PREP: variants seen among roughly 807,000 people sequenced by gnomAD.
PREP encodes the protein prolyl endopeptidase, also known as dJ355L5.1 (prolyl endopeptidase).
Under a neutral mutation model 87.6 loss-of-function variants are expected in PREP, and 29 were observed. The ratio of observed to expected loss-of-function variants is 0.33; its 90% CI spans 0.25 to 0.45. The LOEUF (loss-of-function observed/expected upper bound fraction) is 0.45, where lower values mean the gene tolerates loss of function less well. PREP is among the 20% of genes least tolerant of loss of function. The pLI is 1.00. For synonymous variants in PREP, 337 were observed against 328.6 expected (o/e 1.03, Z -0.28); for missense variants, 695 against 886.5 (o/e 0.78, Z 2.74).
chr6:105,294,583 T>C (rs541195048), intron 10 of PREP, among the ~76,000 whole-genome samples: 1 of 152,210 alleles, frequency 6.6e-6, no homozygotes, highest in East Asian at 1.9e-4. Context: ...GTGTCTATTA[T>C]GTGCCAGGGA....
In PREP at chr6:105,372,615, G is replaced by A. The variant is rs189950354; in HGVS notation, c.595+754C>T. ...TTAAAGAGAAGAACAATAAAGGTGT[G>A]TCCAGAAAGTAACAAGGAGAAAAGT... is the stretch of plus-strand genomic sequence containing the variant. On this transcript the variant is annotated intron_variant, in intron 5 of 14. Coordinates refer to ENST00000652536, the MANE Select transcript of PREP (RefSeq NM_002726.5). 2.0e-5 allele frequency among the ~76,000 whole-genome samples: 3 copies of A among 152,292 alleles called. No homozygotes were observed. In the East Asian group the frequency reaches 5.8e-4, roughly 29 times the overall value.
At chr6:105,399,109 GAA>G (rs201271320) in intron 1 of PREP, among the ~76,000 whole-genome samples, 1 of 143,636 alleles carries the variant, frequency 7.0e-6, no homozygotes, top group East Asian at 2.0e-4. Context: ...CTTCATCTCA[GAA>G]AAAAAAAAAG....
At chr6:105,382,778 T>C (rs1207669234) in intron 2 of PREP, among the ~76,000 whole-genome samples, 1 of 152,132 alleles carries the variant, frequency 6.6e-6, no homozygotes, top group African/African-American at 2.4e-5. Context: ...GACTTCCAGG[T>C]AGAGACTGGC....
At chr6:105,346,452 T>A (rs1036905091) in intron 7 of PREP, among the ~76,000 whole-genome samples, 1 of 152,224 alleles carries the variant, frequency 6.6e-6, no homozygotes, top group African/African-American at 2.4e-5. Context: ...TTTTCTTTAA[T>A]GACACAAAAG....
chr6:105,378,973 T>C (rs1260555425), intron 2 of PREP, among the ~76,000 whole-genome samples: 1 of 152,208 alleles, frequency 6.6e-6, no homozygotes, highest in Non-Finnish European at 1.5e-5. Flanking sequence ...ACCATGATTT[T>C]GTGGTGAGAC....
At chr6:105,396,604 G>C (rs1583109594) in intron 2 of PREP, among the ~76,000 whole-genome samples, 1 of 152,134 alleles carries the variant, frequency 6.6e-6, no homozygotes, top group African/African-American at 2.4e-5. Flanking sequence ...GGTATATACG[G>C]TGGAAAGGGA....
intron 5 of PREP, among the ~76,000 whole-genome samples, chr6:105,371,731 C>G (rs1416290729): frequency 6.6e-6 from 1 of 152,036 alleles, no homozygotes; most frequent in African/African-American, 2.4e-5. Context: ...TTCAGGGACA[C>G]TGGTAAGAAG....
chr6:105,333,173 AT>A, intron 8 of PREP, 140 bp downstream of exon 8: 1 of 745,936 alleles, frequency 1.3e-6, no homozygotes, highest in East Asian at 2.7e-5. Context: ...TGGATGAACT[AT>A]TTAGACACTT....
chr6:105,351,778 G>A (rs1044375844), intron 7 of PREP, among the ~76,000 whole-genome samples: 4 of 152,182 alleles, frequency 2.6e-5, no homozygotes, highest in Admixed American at 2.6e-4. Context: ...ACAATTCCTG[G>A]ATGGTGGTTT....
chr6:105,358,827 T>G (rs1772169422), intron 6 of PREP, among the ~76,000 whole-genome samples: 1 of 152,124 alleles, frequency 6.6e-6, no homozygotes, highest in African/African-American at 2.4e-5. Context: ...TGGTTAAGGG[T>G]ACTTGGTTAT....
intron 5 of PREP, among the ~76,000 whole-genome samples, chr6:105,372,118 CT>C (rs757704096): frequency 3.3e-5 from 5 of 151,804 alleles, no homozygotes; most frequent in Admixed American, 1.3e-4. Context: ...TAAAAAAGGT[CT>C]TGATGTAGCC....
chr6:105,356,973 C>G (rs73516007), intron 6 of PREP, among the ~76,000 whole-genome samples: 3 of 152,100 alleles, frequency 2.0e-5, no homozygotes, highest in Non-Finnish European at 4.4e-5. Context: ...AAATTTTGAA[C>G]CTTTTATTTA....
In PREP at chr6:105,376,112, G is replaced by C. The variant is rs1772679547; in HGVS notation, c.385+13C>G. 1.2e-6 allele frequency: 2 copies of C among 1,612,028 alleles called. No homozygotes were observed. The highest frequency in any genetic ancestry group is 1.7e-6 in the Non-Finnish European group (2 of 1,179,116). ...TCTTAGGAGTTCCACGGGCCTCTCT[G>C]TGTAGCACTTACCTCGGAGTGCCAC... On this transcript the variant is annotated intron_variant, in intron 4 of 14. Coordinates refer to ENST00000652536, the MANE Select transcript of PREP (RefSeq NM_002726.5).
chr6:105,355,232 C>G (rs1043571420), intron 6 of PREP, among the ~76,000 whole-genome samples: 1 of 151,830 alleles, frequency 6.6e-6, no homozygotes, highest in Non-Finnish European at 1.5e-5. Context: ...ATTACAGATG[C>G]CTTCCACCAT....
intron 1 of PREP, among the ~76,000 whole-genome samples, chr6:105,401,953 T>A (rs75540989): frequency 2.0e-5 from 3 of 152,334 alleles, no homozygotes; most frequent in African/African-American, 7.2e-5. Context: ...TAGCTATTAG[T>A]AAGAGAATCA....
intron 9 of PREP, among the ~76,000 whole-genome samples, chr6:105,324,565 A>G (rs919985542): frequency 5.3e-5 from 8 of 152,216 alleles, no homozygotes; most frequent in African/African-American, 1.9e-4. Context: ...TCATCCACAG[A>G]GTGGCTGGTG....
Position 105,323,344 on chromosome 6 carries a change from G to A in PREP, c.1317+321C>T, listed in dbSNP as rs577520115. The stretch of plus-strand genomic sequence containing the variant: ...TTATTTACAACACCAAAAGACCTGA[G>A]CTAGAACACAAACCATATTCAAGCA... On this transcript the variant is annotated intron_variant, in intron 10 of 14. Coordinates refer to ENST00000652536, the MANE Select transcript of PREP (RefSeq NM_002726.5). Among the ~76,000 whole-genome samples, 4 of 152,126 alleles carry A rather than the reference G, an allele frequency of 2.6e-5. No individual in the cohort carries two copies. The East Asian group carries it at 7.7e-4, about 29-fold the overall frequency.
intron 2 of PREP, among the ~76,000 whole-genome samples, chr6:105,395,166 A>T (rs534471226): frequency 2.6e-5 from 4 of 152,180 alleles, no homozygotes; most frequent in Non-Finnish European, 4.4e-5. Flanking sequence ...CAATTTAAAA[A>T]ATATATATAT....
chr6:105,300,477 T>C (rs11963142), intron 10 of PREP, among the ~76,000 whole-genome samples: 2,854 of 152,310 alleles, frequency 0.019, 93 homozygotes, highest in African/African-American at 0.066. Context: ...AAAAAAATGC[T>C]TGAGCAAATC....
Sources: gnomAD v4.1 joint callset for allele counts (sites outside exome capture counted in the v4.1 genomes callset) on GRCh38, gnomAD v4.1.1 for gene constraint, MANE v1.5 for transcripts, NCBI Gene and HGNC (gene_info 2026-07-23, HGNC 2026-07-21) for gene names.